Variants in SLC66A1 observed in about 807,000 individuals in gnomAD.
SLC66A1 encodes solute carrier family 66 member 1, also known as lysosomal amino acid transporter 1 homolog.
A neutral mutation model predicts 33.0 loss-of-function variants in SLC66A1; 23 were observed. The ratio of observed to expected loss-of-function variants is 0.70; its 90% CI spans 0.50 to 0.99. The LOEUF (loss-of-function observed/expected upper bound fraction) is 0.99. Ranked by LOEUF, SLC66A1 falls within the 50% of genes least tolerant of loss-of-function variation. The probability of loss-of-function intolerance (pLI) is 0.00; values close to 1 mark genes in which losing one functional copy is unlikely to be tolerated. For missense variants in SLC66A1, 335 were observed against 383.6 expected (o/e 0.87, Z 1.06); for synonymous variants, 164 against 175.5 (o/e 0.93, Z 0.52).
At chr1:19,325,605 G>C (rs1023680715) in intron 4 of SLC66A1, 23 bp downstream of exon 4, 5 of 1,342,042 alleles carry the variant, frequency 3.7e-6, no homozygotes, top group South Asian at 1.2e-5. Flanking sequence ...ACCGCTCTCT[G>C]TCAGATGCTC....
chr1:19,320,452 C>T (rs531784155), intron 2 of SLC66A1, among the ~76,000 whole-genome samples: 39 of 132,792 alleles, frequency 2.9e-4, no homozygotes, highest in African/African-American at 1.0e-3. Flanking sequence ...CTCGCTCTGT[C>T]GCCCAGGCTG....
chr1:19,314,872 T>G lies in SLC66A1; in HGVS notation c.-79+1983T>G, dbSNP rs143606952. On this transcript the variant is annotated intron_variant, in intron 1 of 7. Transcript: ENST00000375153. Reference sequence around the variant, plus strand: ...AAATGCCTTTGGCCTTGCAAACGTGTAGTTCTCACCTGGACTATATGGTTT... The same window carrying G: ...AAATGCCTTTGGCCTTGCAAACGTGGAGTTCTCACCTGGACTATATGGTTT... 4.0e-5 allele frequency among the ~76,000 whole-genome samples: 6 copies of G among 151,748 alleles called. No individual in the cohort carries two copies. In the East Asian group the frequency reaches 1.2e-3, roughly 29 times the overall value.
At position 19,325,533 on chromosome 1, in the gene SLC66A1, G is replaced by A. The variant is rs138799019; in HGVS notation, c.333G>A (p.Val111=). ...TAVYYVLADL[V]MLTLYFYYKF... Reference sequence around the variant, plus strand: ...TGTATTATGTCTTGGCAGACCTGGTGATGCTGACGCTGTACTTTTACTACA... The same window carrying A: ...TGTATTATGTCTTGGCAGACCTGGTAATGCTGACGCTGTACTTTTACTACA... The change falls in exon 4 of 8, where the codon GTG becomes GTA. Residue 111 remains valine (V), a synonymous_variant. Transcript: ENST00000375153. The A allele has an allele frequency of 2.4e-4, 384 of 1,610,846 alleles. 2 individuals carry two copies. In the African/African-American group the frequency reaches 3.7e-3, roughly 16 times the overall value.
Position 19,325,405 on chromosome 1 carries a change from C to G in SLC66A1, c.295-90C>G, listed in dbSNP as rs375088128. ...AGAGGAGAAGTGACTTGGTCCGGGT[C>G]ACCCAGCTGGGATATGACAGAGGGC... On this transcript the variant is annotated intron_variant, in intron 3 of 7. Transcript: ENST00000375153. The G allele has an allele frequency of 2.3e-5, 20 of 868,976 alleles. 2 individuals carry two copies. The highest frequency in any genetic ancestry group is 2.5e-5 in the East Asian group (1 of 39,886). The allele number at this position is 868,976 out of a possible 1,614,324, so 53.8% of individuals were successfully genotyped here.
chr1:19,326,059 T>C (rs1271543444), intron 4 of SLC66A1, among the ~76,000 whole-genome samples, 186 bp from the exon 5 acceptor site: 5 of 152,224 alleles, frequency 3.3e-5, no homozygotes, highest in Non-Finnish European at 5.9e-5. Flanking sequence ...TTCACCTTTA[T>C]AACTCTAGGA....
downstream of SLC66A1, among the ~76,000 whole-genome samples, chr1:19,334,261 G>T (rs2093899030): frequency 2.0e-5 from 3 of 152,336 alleles, no homozygotes; most frequent in South Asian, 6.2e-4. Flanking sequence ...CCAACCCTCA[G>T]GGAGCCCTCA....
At position 19,326,290 on chromosome 1, in the gene SLC66A1, C is replaced by T. The variant is rs763092892; in HGVS notation, c.428C>T (p.Ala143Val). The T allele has an allele frequency of 3.1e-6, 5 of 1,606,684 alleles. No homozygotes were observed. Among genetic ancestry groups the T allele is most frequent in the African/African-American group, 1.3e-5 (1 of 74,944 alleles). Residue 143 changes from alanine (A) to valine (V), a missense_variant, in exon 5 of 8, where the codon GCG (alanine) becomes GTG (valine). Ala to Val is a moderately conservative substitution (Grantham distance 64, BLOSUM62 0). Coordinates refer to ENST00000375153, the MANE Select transcript of SLC66A1 (RefSeq NM_001040125.2). ...NSVLLFLMGM[A>V]CATPLLSAAG... The stretch of plus-strand genomic sequence containing the variant: ...GTGCTGTTGTTCCTCATGGGGATGG[C>T]GTGCGCCACACCGCTGCTGAGTGCT...
At chr1:19,315,189 G>GT (rs2093798676) in intron 1 of SLC66A1, among the ~76,000 whole-genome samples, 1 of 152,230 alleles carries the variant, frequency 6.6e-6, no homozygotes, top group Admixed American at 6.5e-5. Flanking sequence ...GATTACAGGT[G>GT]TGAACCACTG....
At chr1:19,321,214 C>T (rs1339927425) in intron 2 of SLC66A1, among the ~76,000 whole-genome samples, 1 of 131,004 alleles carries the variant, frequency 7.6e-6, no homozygotes, top group Non-Finnish European at 1.6e-5. Flanking sequence ...TACTCTGTCC[C>T]CCAGGCTGGA....
intron 2 of SLC66A1, among the ~76,000 whole-genome samples, chr1:19,321,169 C>CT (rs71577887): frequency 0.16 from 13,174 of 81,870 alleles, 2,058 homozygotes; most frequent in Middle Eastern, 0.2. Flanking sequence ...CTTATCTCTT[C>CT]TTTTTTTTTT....
intron 2 of SLC66A1, among the ~76,000 whole-genome samples, chr1:19,322,167 G>A (rs928301147): frequency 3.9e-5 from 6 of 152,014 alleles, no homozygotes; most frequent in Admixed American, 3.3e-4. Flanking sequence ...GTGGTGGGGG[G>A]ATTGGAGAGG....
At chr1:19,332,327 T>G (rs2093894903), downstream of SLC66A1, among the ~76,000 whole-genome samples, 1 of 152,144 alleles carries the variant, frequency 6.6e-6, no homozygotes, top group Non-Finnish European at 1.5e-5. Context: ...ACTGTCTGCC[T>G]CAGAACATAG....
chr1:19,317,566 C>T, intron 1 of SLC66A1, 34 bp from the exon 2 acceptor site: 1 of 1,510,906 alleles, frequency 6.6e-7, no homozygotes, highest in East Asian at 2.3e-5. Context: ...CTGGACCTCC[C>T]AGTGCTGAAA....
At chr1:19,332,696 T>C (rs946129272), downstream of SLC66A1, among the ~76,000 whole-genome samples, 6 of 152,206 alleles carry the variant, frequency 3.9e-5, no homozygotes, top group Non-Finnish European at 7.3e-5. Flanking sequence ...TGGGCAAACA[T>C]GTTACCAAGT....
chr1:19,320,629 A>G (rs1185128924), intron 2 of SLC66A1, among the ~76,000 whole-genome samples: 2 of 151,316 alleles, frequency 1.3e-5, no homozygotes, highest in African/African-American at 2.4e-5. Context: ...GTTAGCCAGG[A>G]TGGTCTCGAT....
intron 2 of SLC66A1, among the ~76,000 whole-genome samples, chr1:19,321,992 T>C (rs2093840221): frequency 6.6e-6 from 1 of 152,204 alleles, no homozygotes; most frequent in South Asian, 2.1e-4. Context: ...TTGGGTGTGG[T>C]GCAAGTAAGC....
intron 2 of SLC66A1, among the ~76,000 whole-genome samples, chr1:19,320,707 A>ATG (rs2093832204): frequency 6.8e-6 from 1 of 146,620 alleles, no homozygotes; most frequent in Non-Finnish European, 1.5e-5. Flanking sequence ...GAGCCACCGC[A>ATG]CCTGGCCTCA....
Position 19,327,401 on chromosome 1 carries a change from C to T in SLC66A1, c.793C>T (p.Leu265Phe). 6.3e-7 allele frequency: 1 copy of T among 1,593,138 alleles called. No homozygotes were observed. The highest frequency in any genetic ancestry group is 2.2e-5 in the East Asian group (1 of 44,714). Residue 265 changes from leucine (L) to phenylalanine (F), a missense_variant, in exon 7 of 8, where the codon CTC (leucine) becomes TTC (phenylalanine). Leu to Phe is a conservative substitution (Grantham distance 22, BLOSUM62 0). Coordinates refer to ENST00000375153, the MANE Select transcript of SLC66A1 (RefSeq NM_001040125.2). Reference protein sequence around the residue: ...WLVGSLGVLLLDTIISIQFLV... With the variant: ...WLVGSLGVLLFDTIISIQFLV... Reference sequence around the variant, plus strand: ...TGTGGGCAGCCTGGGCGTGCTGCTGCTCGACACCATCGTATCCTTCAGGGC... The same window carrying T: ...TGTGGGCAGCCTGGGCGTGCTGCTGTTCGACACCATCGTATCCTTCAGGGC...
intron 2 of SLC66A1, among the ~76,000 whole-genome samples, chr1:19,324,002 G>A (rs2093850435): frequency 6.6e-6 from 1 of 152,188 alleles, no homozygotes; most frequent in East Asian, 1.9e-4. Context: ...ACCCACACCT[G>A]GCCAGAAGTC....
Sources: gnomAD v4.1 joint callset for allele counts (sites outside exome capture counted in the v4.1 genomes callset) on GRCh38, gnomAD v4.1.1 for gene constraint, MANE v1.5 for transcripts, NCBI Gene and HGNC (gene_info 2026-07-23, HGNC 2026-07-21) for gene names.